Variants in TPCN2 observed in about 807,000 individuals in gnomAD.
TPCN2 encodes the protein two pore segment channel 2, also known as two pore channel protein 2.
Under a neutral mutation model 111.4 loss-of-function variants are expected in TPCN2, and 92 were observed. The ratio of observed to expected loss-of-function variants is 0.83; its 90% CI spans 0.70 to 0.98. TPCN2 has a LOEUF of 0.98. Ranked by LOEUF, TPCN2 falls within the 50% of genes least tolerant of loss-of-function variation. The pLI, the probability that TPCN2 is intolerant of heterozygous loss-of-function variation, is 0.00. For synonymous variants in TPCN2, 405 were observed against 414.5 expected (o/e 0.98, Z 0.28); for missense variants, 995 against 980.1 (o/e 1.02, Z -0.20).
chr11:69,072,279 C>T (rs1012212608), intron 11 of TPCN2, among the ~76,000 whole-genome samples: 3 of 152,214 alleles, frequency 2.0e-5, no homozygotes, highest in African/African-American at 7.2e-5. Context: ...CCTTCTTGTC[C>T]CCCTTTGTGC....
intron 13 of TPCN2, among the ~76,000 whole-genome samples, chr11:69,078,159 CT>C (rs11450127): frequency 2.5e-3 from 370 of 145,476 alleles, no homozygotes; most frequent in African/African-American, 6.2e-3. Flanking sequence ...TTTCACACAG[CT>C]TTTTTTTTTT....
intron 17 of TPCN2, 51 bp downstream of exon 17, chr11:69,079,934 C>T: frequency 1.3e-6 from 2 of 1,582,550 alleles, no homozygotes. Flanking sequence ...GCACCACCAC[C>T]CAGCGCCCCT....
intron 8 of TPCN2, among the ~76,000 whole-genome samples, chr11:69,070,151 A>G (rs1183892619): frequency 6.6e-6 from 1 of 151,596 alleles, no homozygotes; most frequent in Non-Finnish European, 1.5e-5. Flanking sequence ...CAGCCTCCCG[A>G]GTAGCTGGGT....
rs1374667300 is a variant in TPCN2 at position 69,078,902 on chromosome 11, G to A, written c.1421G>A (p.Cys474Tyr). 8.1e-6 allele frequency: 13 copies of A among 1,613,948 alleles called. No homozygotes were observed. The South Asian group carries it at 1.1e-4, about 14-fold the overall frequency. The change falls in exon 16 of 25, where the codon TGC (cysteine) becomes TAC (tyrosine). Residue 474 changes from cysteine (C) to tyrosine (Y), a missense_variant. Physicochemically the swap from Cys to Tyr is radical, Grantham distance 194. Coordinates refer to ENST00000294309, the MANE Select transcript of TPCN2 (RefSeq NM_139075.4). ...RDDFILGILN[C>Y]VFIVYYLLEM... ...TTCTGCCCCTTTCAGATTCTCAACT[G>A]CGTCTTCATTGTGTACTACCTGTTG... is the stretch of plus-strand genomic sequence containing the variant.
At chr11:69,066,537 T>C (rs1855280305) in intron 7 of TPCN2, among the ~76,000 whole-genome samples, 1 of 152,308 alleles carries the variant, frequency 6.6e-6, no homozygotes, top group African/African-American at 2.4e-5. Context: ...ATTTTATAGG[T>C]GAGGCCTTGG....
At position 69,067,622 on chromosome 11, in the gene TPCN2, G is replaced by C. The variant is rs375547551; in HGVS notation, c.829+17G>C. The C allele has an allele frequency of 3.0e-5, 48 of 1,612,678 alleles. No homozygotes were observed. Among genetic ancestry groups the C allele is most frequent in the Non-Finnish European group, 4.1e-5 (48 of 1,179,686 alleles). ...ACCCCGATGGTGCGTGCAGGGCCAG[G>C]GAGGGACCGTGGGGGTCGGTGAGCC... is the stretch of plus-strand genomic sequence containing the variant. On this transcript the variant is annotated intron_variant, in intron 8 of 24. Transcript: ENST00000294309.
Position 69,062,880 on chromosome 11 carries a change from C to T in TPCN2, c.547-4C>T, listed in dbSNP as rs1236553165. 1 of 1,613,642 alleles carries T rather than the reference C, an allele frequency of 6.2e-7. No individual in the cohort carries two copies. Among genetic ancestry groups the T allele is most frequent in the East Asian group, 2.2e-5 (1 of 44,862 alleles). On this transcript the variant is annotated splice_polypyrimidine_tract_variant and splice_region_variant and intron_variant, in intron 5 of 24. Coordinates refer to ENST00000294309, the MANE Select transcript of TPCN2 (RefSeq NM_139075.4). ...TGGTCCTCAGTTTCCTGGGTCTCTT[C>T]CAGCCCCTGCGGATCCGCCGGCTTC...
intron 13 of TPCN2, 98 bp from the exon 14 acceptor site, chr11:69,078,384 A>G: frequency 2.7e-6 from 4 of 1,508,708 alleles, no homozygotes; most frequent in Non-Finnish European, 3.6e-6. Flanking sequence ...TGGGGTAGGA[A>G]AAAATCAAAT....
chr11:69,081,375 A>T (rs1350379912), intron 17 of TPCN2, 25 bp from the exon 18 acceptor site: 1 of 1,510,744 alleles, frequency 6.6e-7, no homozygotes, highest in Non-Finnish European at 8.9e-7. Context: ...GCTCCTCCCA[A>T]CCCGCCTCCC....
chr11:69,076,456 A>G (rs1338830349), intron 13 of TPCN2, among the ~76,000 whole-genome samples: 4 of 152,006 alleles, frequency 2.6e-5, no homozygotes, highest in African/African-American at 4.8e-5. Flanking sequence ...CCTGGGGACT[A>G]TGTGTCTCGG....
In TPCN2 at chr11:69,055,243, G is replaced by C; in HGVS notation, c.320G>C (p.Ser107Thr). Residue 107 changes from serine to threonine, a missense_variant, in exon 4 of 25, where the codon AGC becomes ACC. Physicochemically the swap from Ser to Thr is moderately conservative, Grantham distance 58. Transcript: ENST00000294309. ...AFIETPSSLT[S>T]TADVRYRAAP... is the part of the protein sequence containing the mutation. ...ATCGAGACCCCATCCTCACTCACCA[G>C]CACGGCGGACGTGCGCTACCGCGCT... 6.2e-7 allele frequency: 1 copy of C among 1,614,214 alleles called. No homozygotes were observed. Among genetic ancestry groups the C allele is most frequent in the Non-Finnish European group, 8.5e-7 (1 of 1,180,028 alleles).
At chr11:69,064,104 GT>G in intron 7 of TPCN2, 137 bp downstream of exon 7, 1 of 819,824 alleles carries the variant, frequency 1.2e-6, no homozygotes, top group South Asian at 1.5e-5. Context: ...CCCATCTGGG[GT>G]CCAGGAGTCT....
intron 17 of TPCN2, among the ~76,000 whole-genome samples, chr11:69,081,105 C>T (rs979659466): frequency 1.3e-5 from 2 of 151,938 alleles, no homozygotes; most frequent in Non-Finnish European, 2.9e-5. Context: ...CCCGTGTGGA[C>T]AGAGGGTCTG....
chr11:69,072,102 G>A lies in TPCN2; in HGVS notation c.1061+79G>A, dbSNP rs1855561255. 6 of 1,243,176 alleles carry A rather than the reference G, an allele frequency of 4.8e-6. No individual in the cohort carries two copies. In the South Asian group the frequency reaches 8.0e-5, roughly 17 times the overall value. The allele number at this position is 1,243,176 out of a possible 1,614,324, so 77.0% of individuals were successfully genotyped here. On this transcript the variant is annotated intron_variant, in intron 11 of 24. Transcript: ENST00000294309. The stretch of plus-strand genomic sequence containing the variant: ...GGGCAGGGGCCGGGTGTTCATTAGG[G>A]GCTTCTTGTGCTTGGCCTGTGCCTC...
intron 5 of TPCN2, among the ~76,000 whole-genome samples, chr11:69,058,825 G>T (rs189786502): frequency 7.7e-4 from 118 of 152,360 alleles, no homozygotes; most frequent in Non-Finnish European, 1.6e-3. Context: ...CCAGCAAAGG[G>T]AGCGAGGATA....
rs1356580460 is a variant in TPCN2, at chr11:69,078,607, T to C, written c.1350+6T>C. 6.2e-7 allele frequency: 1 copy of C among 1,613,864 alleles called. No homozygotes were observed. The highest frequency in any genetic ancestry group is 1.1e-5 in the South Asian group (1 of 91,080). ...CAAACCTGGTGTCCATTTGCGTGAG[T>C]GTGGATTTGCCCCAGAGCTGGCACG... On this transcript the variant is annotated splice_donor_region_variant and intron_variant, in intron 14 of 24. Coordinates refer to ENST00000294309, the MANE Select transcript of TPCN2 (RefSeq NM_139075.4).
chr11:69,062,213 G>A (rs1049603335), intron 5 of TPCN2, among the ~76,000 whole-genome samples: 2 of 152,118 alleles, frequency 1.3e-5, no homozygotes, highest in African/African-American at 4.8e-5. Flanking sequence ...TTGCTGCAGG[G>A]AGGGTACCAG....
intron 24 of TPCN2, 117 bp downstream of exon 24, chr11:69,087,323 G>A (rs891085207): frequency 5.6e-5 from 47 of 846,562 alleles, no homozygotes; most frequent in South Asian, 5.4e-4. Context: ...CCCTCCGCCC[G>A]GTTATCTGGC....
chr11:69,087,510 A>G (rs3018680), intron 24 of TPCN2, among the ~76,000 whole-genome samples: 1 of 152,136 alleles, frequency 6.6e-6, no homozygotes, highest in African/African-American at 2.4e-5. Context: ...CCTGAGGAAA[A>G]CGCACCCATC....
Sources: gnomAD v4.1 joint callset for allele counts (sites outside exome capture counted in the v4.1 genomes callset) on GRCh38, gnomAD v4.1.1 for gene constraint, MANE v1.5 for transcripts, NCBI Gene and HGNC (gene_info 2026-07-23, HGNC 2026-07-21) for gene names.